The following COG4 variants were observed in gnomAD, a reference collection of about 807,000 sequenced individuals.
COG4 encodes the protein component of oligomeric golgi complex 4.
COG4 carries 65 observed loss-of-function variants against 95.1 expected under a neutral mutation model. The observed-to-expected ratio is 0.68, with a 90% CI of 0.56 to 0.84. COG4 has a LOEUF of 0.84. COG4 is among the 40% of genes least tolerant of loss of function. COG4 has a pLI of 0.00. For missense variants in COG4, 1,045 were observed against 989.1 expected (o/e 1.06, Z -0.76); for synonymous variants, 421 against 374.8 (o/e 1.12, Z -1.42).
rs773432084 is a variant in COG4 at position 70,481,802 on chromosome 16, C to T, written c.2068G>A (p.Glu690Lys). 27 of 1,613,948 alleles carry T rather than the reference C, an allele frequency of 1.7e-5. No homozygotes were observed. The highest frequency in any genetic ancestry group is 6.7e-5 in the African/African-American group (5 of 74,906). Reference protein sequence around the residue: ...TGLMTSLVAVELEKVVLKSTF... With the variant: ...TGLMTSLVAVKLEKVVLKSTF... ...GATTTCAGCACCACTTTCTCCAACT[C>T]GACGGCAACAAGGCTAGTCATGAGG... The change falls in exon 17 of 19, where the codon GAG (glutamate) becomes AAG (lysine). Residue 690 changes from glutamate to lysine, a missense_variant. By Grantham distance (56) the Glu-to-Lys change is moderately conservative. Coordinates refer to ENST00000323786, the MANE Select transcript of COG4 (RefSeq NM_015386.3).
At position 70,483,859 on chromosome 16, in the gene COG4, G is replaced by C. The variant is rs1362301227; in HGVS notation, c.1821C>G (p.Leu607=). ...LAAVSNKFRD[L]LQEGLTELNS... The stretch of plus-strand genomic sequence containing the variant: ...AGTTGAACCTGGGGCTTACCTGCAA[G>C]AGGTCTCGGAATTTGTTGGACACGG... The change falls in exon 14 of 19, where the codon CTC becomes CTG. Residue 607 remains leucine (L), a synonymous_variant. Coordinates refer to ENST00000323786, the MANE Select transcript of COG4 (RefSeq NM_015386.3). 1 of 1,612,404 alleles carries C rather than the reference G, an allele frequency of 6.2e-7. No individual in the cohort carries two copies. The highest frequency in any genetic ancestry group is 8.5e-7 in the Non-Finnish European group (1 of 1,178,972).
intron 13 of COG4, among the ~76,000 whole-genome samples, chr16:70,487,591 C>T (rs1213307305): frequency 1.3e-5 from 2 of 152,132 alleles, no homozygotes; most frequent in Non-Finnish European, 2.9e-5. Context: ...CAAAAAAAAA[C>T]CAACAATGAT....
At chr16:70,522,278 A>G (rs925220197) in intron 1 of COG4, among the ~76,000 whole-genome samples, 2 of 152,124 alleles carry the variant, frequency 1.3e-5, no homozygotes, top group Non-Finnish European at 2.9e-5. Context: ...GGCAGGCGTG[A>G]GCCACCGCGC....
rs754174812 is a variant in COG4 at position 70,509,402 on chromosome 16, A to T, written c.845-14T>A. The T allele has an allele frequency of 6.2e-7, 1 of 1,613,984 alleles. No homozygotes were observed. The highest frequency in any genetic ancestry group is 8.5e-7 in the Non-Finnish European group (1 of 1,179,952). On this transcript the variant is annotated splice_polypyrimidine_tract_variant and intron_variant, in intron 6 of 18. Transcript: ENST00000323786. ...TGCGGGCAATCCCTAGAAGGGAGGAAGCAATAGGGTTATATTCCAAGTATT... is the reference window on the plus strand; with the variant it reads ...TGCGGGCAATCCCTAGAAGGGAGGATGCAATAGGGTTATATTCCAAGTATT...
In COG4 at chr16:70,481,029, A is replaced by G. The variant is rs1485504012; in HGVS notation, c.2351T>C (p.Ile784Thr). ...ALRIDFRSED[I>T]KRLRL is the part of the protein sequence containing the mutation. ...AGGCAGCTACAGGCGCAGCCTCTTG[A>G]TATCTTCACTGCGGAAGTCTATCCG... Residue 784 changes from isoleucine to threonine, a missense_variant, in exon 19 of 19, where the codon ATC (isoleucine) becomes ACC (threonine). Coordinates refer to ENST00000323786, the MANE Select transcript of COG4 (RefSeq NM_015386.3). The G allele has an allele frequency of 1.9e-6, 3 of 1,612,786 alleles. No individual in the cohort carries two copies. Among genetic ancestry groups the G allele is most frequent in the South Asian group, 1.1e-5 (1 of 91,068 alleles).
intron 3 of COG4, chr16:70,516,057 T>G (rs373601231): frequency 2.2e-6 from 1 of 456,042 alleles, no homozygotes. Flanking sequence ...CGAAAGGATA[T>G]TGAATTTTGT....
intron 1 of COG4, among the ~76,000 whole-genome samples, chr16:70,521,130 G>C (rs1346885249): frequency 6.6e-6 from 1 of 151,752 alleles, no homozygotes; most frequent in Non-Finnish European, 1.5e-5. Context: ...GCCCAGGCTG[G>C]TCTCCAACTA....
Position 70,490,518 on chromosome 16 carries a change from C to T in COG4, c.1648-126G>A, listed in dbSNP as rs545281060. 6.8e-5 allele frequency: 54 copies of T among 788,938 alleles called. No individual in the cohort carries two copies. In the African/African-American group the frequency reaches 7.4e-4, roughly 11 times the overall value. 48.9% of individuals were successfully genotyped at this position (788,938 alleles called of 1,614,324 possible). A position where few individuals can be genotyped will look rare whatever the true frequency, so the allele number is the denominator to read the frequency against. ...AAGGGCTGGCTGGAGTTCAGACTTG[C>T]GCTAATGAAAACCCACACTGCTACA... On this transcript the variant is annotated intron_variant, in intron 12 of 18. Coordinates refer to ENST00000323786, the MANE Select transcript of COG4 (RefSeq NM_015386.3).
At chr16:70,512,482 C>T (rs375865090) in intron 4 of COG4, 50 bp from the exon 5 acceptor site, 5 of 1,474,862 alleles carry the variant, frequency 3.4e-6, no homozygotes. Flanking sequence ...AGTACTGTGG[C>T]AGGTCCATGC....
At chr16:70,493,538 AAGAG>A (rs1211358076) in intron 12 of COG4, among the ~76,000 whole-genome samples, 1 of 152,196 alleles carries the variant, frequency 6.6e-6, no homozygotes, top group African/African-American at 2.4e-5. Flanking sequence ...TGCAATGAGT[AAGAG>A]AGTGAATGAA....
At position 70,483,916 on chromosome 16, in the gene COG4, G is replaced by C. The variant is rs1260798926; in HGVS notation, c.1764C>G (p.Ala588=). Residue 588 remains alanine, a synonymous_variant, in exon 14 of 19, where the codon GCC becomes GCG. Coordinates refer to ENST00000323786, the MANE Select transcript of COG4 (RefSeq NM_015386.3). ...SQGIGGEQAQ[A]KFDSCLSDLA... is the part of the protein sequence containing the mutation. ...AGTCAGAAAGGCAGCTGTCAAACTT[G>C]GCCTGGGCCTGCTCCCCTCCAATGC... 6.2e-7 allele frequency: 1 copy of C among 1,613,276 alleles called. No individual in the cohort carries two copies.
intron 13 of COG4, among the ~76,000 whole-genome samples, chr16:70,489,367 G>C (rs2049197952): frequency 6.6e-6 from 1 of 151,428 alleles, no homozygotes; most frequent in African/African-American, 2.4e-5. Context: ...ACAGGCGCCT[G>C]CCACCATGGC....
chr16:70,481,853 GGGACA>G lies in COG4; in HGVS notation c.2012_2016del (p.Leu671ProfsTer13). 6.2e-7 allele frequency: 1 copy of G among 1,613,612 alleles called. No homozygotes were observed. Among genetic ancestry groups the G allele is most frequent in the Non-Finnish European group, 8.5e-7 (1 of 1,179,852 alleles). ...CCGGTTAGGCTGTCGTAGATGACCG[GGGACA>G]GGCTGGCCTGCACACAGAGGGTTGA... On this transcript the variant is annotated frameshift_variant, in exon 17 of 19. Coordinates refer to ENST00000323786, the MANE Select transcript of COG4 (RefSeq NM_015386.3). LOFTEE classifies it high-confidence loss of function.
At chr16:70,510,332 T>A (rs540883849) in intron 5 of COG4, among the ~76,000 whole-genome samples, 20 of 152,320 alleles carry the variant, frequency 1.3e-4, no homozygotes, top group African/African-American at 4.1e-4. Flanking sequence ...TATTATTTTT[T>A]AAAATAAGAC....
Position 70,523,505 on chromosome 16 carries a change from C to A in COG4, c.39G>T (p.Lys13Asn). ...TKMADLDSPP[K>N]LSGVQQPSEG... ...CAGACGGCTGCTGCACCCCTGACAGCTTCGGAGGCGAATCAAGGTCCGCCA... is the reference window on the plus strand; with the variant it reads ...CAGACGGCTGCTGCACCCCTGACAGATTCGGAGGCGAATCAAGGTCCGCCA... The change falls in exon 1 of 19, where the codon AAG becomes AAT. Residue 13 changes from lysine (K) to asparagine (N), a missense_variant. Coordinates refer to ENST00000323786, the MANE Select transcript of COG4 (RefSeq NM_015386.3). The A allele has an allele frequency of 6.2e-7, 1 of 1,614,106 alleles. No homozygotes were observed. The highest frequency in any genetic ancestry group is 8.5e-7 in the Non-Finnish European group (1 of 1,180,046).
chr16:70,522,071 C>T (rs922490011), intron 1 of COG4, among the ~76,000 whole-genome samples: 1 of 148,728 alleles, frequency 6.7e-6, no homozygotes, highest in Non-Finnish European at 1.5e-5. Flanking sequence ...TATCTTGGTT[C>T]ACTGCAACCT....
At chr16:70,517,797 C>CT in intron 2 of COG4, 57 bp from the exon 3 acceptor site, 60 of 1,157,070 alleles carry the variant, frequency 5.2e-5, no homozygotes, top group Non-Finnish European at 7.0e-5. Context: ...GAGACAGAAA[C>CT]TTTTTTTTGC....
Position 70,480,999 on chromosome 16 carries a change from C to T in COG4, c.*11G>A. 6.2e-7 allele frequency: 1 copy of T among 1,611,684 alleles called. No homozygotes were observed. The highest frequency in any genetic ancestry group is 8.5e-7 in the Non-Finnish European group (1 of 1,179,976). ...GCAAGTGTGATGAGCCAGGTGTGCT[C>T]ATCCAGGCAGCTACAGGCGCAGCCT... is the stretch of plus-strand genomic sequence containing the variant. On this transcript the variant is annotated 3_prime_UTR_variant, in exon 19 of 19. Coordinates refer to ENST00000323786, the MANE Select transcript of COG4 (RefSeq NM_015386.3).
At chr16:70,509,573 C>G (rs1340354964) in intron 6 of COG4, among the ~76,000 whole-genome samples, 185 bp from the exon 7 acceptor site, 3 of 152,182 alleles carry the variant, frequency 2.0e-5, no homozygotes, top group Non-Finnish European at 4.4e-5. Flanking sequence ...ATGTACAGTG[C>G]TTGGTACACC....
Sources: allele counts gnomAD v4.1 joint callset (sites outside exome capture counted in the v4.1 genomes callset), GRCh38; gene constraint gnomAD v4.1.1; transcripts MANE v1.5; gene names NCBI Gene and HGNC (gene_info 2026-07-23, HGNC 2026-07-21).